The following EIF4G3 variants were observed in gnomAD, a reference collection of about 807,000 sequenced individuals.
EIF4G3 encodes the protein eukaryotic translation initiation factor 4 gamma 3.
EIF4G3 carries 34 observed loss-of-function variants against 186.4 expected under a neutral mutation model. That is an observed-to-expected ratio of 0.18 (90% CI 0.14 to 0.24). The LOEUF (loss-of-function observed/expected upper bound fraction) is 0.24, where lower values mean the gene tolerates loss of function less well. EIF4G3 is among the 10% of genes least tolerant of loss of function. The pLI is 1.00. For synonymous variants in EIF4G3, 673 were observed against 679.5 expected (o/e 0.99, Z 0.15); for missense variants, 1,536 against 1,948.5 (o/e 0.79, Z 3.99).
chr1:20,859,807 G>A (rs1271037370), intron 24 of EIF4G3, among the ~76,000 whole-genome samples: 9 of 152,112 alleles, frequency 5.9e-5, no homozygotes, highest in Admixed American at 5.9e-4. Flanking sequence ...TGGTCAGGCT[G>A]GTCTCAAACT....
chr1:21,082,815 G>C (rs954699819), intron 3 of EIF4G3, among the ~76,000 whole-genome samples: 1 of 151,600 alleles, frequency 6.6e-6, no homozygotes, highest in African/African-American at 2.4e-5. Context: ...GAGACGGGCG[G>C]ATCACGAGGT....
At chr1:21,020,515 T>C (rs1055183977) in intron 4 of EIF4G3, among the ~76,000 whole-genome samples, 6 of 151,824 alleles carry the variant, frequency 4.0e-5, no homozygotes, top group Admixed American at 6.6e-5. Context: ...AATAAATGAA[T>C]AAATAAAGAA....
chr1:21,117,953 A>T (rs948600924), intron 2 of EIF4G3, among the ~76,000 whole-genome samples: 3 of 152,004 alleles, frequency 2.0e-5, no homozygotes. Flanking sequence ...ATTTCAATTT[A>T]CTCTTAAACC....
At chr1:20,887,367 A>C (rs1357630564) in intron 18 of EIF4G3, among the ~76,000 whole-genome samples, 2 of 152,178 alleles carry the variant, frequency 1.3e-5, no homozygotes, top group East Asian at 3.8e-4. Flanking sequence ...TTAACGCTTC[A>C]GAGAAAAAAG....
Position 20,942,310 on chromosome 1 carries a change from G to T in EIF4G3, c.844C>A (p.Pro282Thr). The part of the protein sequence containing the change: ...QKQEEKPKPD[P>T]VLKSPSPVLR... ...ACTGGGGAAGGAGACTTTAACACTG[G>T]ATCTGGTTTTGGCTTCTCCTCTGGG... Residue 282 changes from proline to threonine, a missense_variant, in exon 14 of 37, where the codon CCA becomes ACA. Physicochemically the swap from Pro to Thr is conservative, Grantham distance 38 (BLOSUM62 -1). Around this residue, in one of 11 missense-constraint regions of EIF4G3, gnomAD observed 560 missense variants for 547.8 expected, o/e 1.02. Transcript: ENST00000602326. The T allele has an allele frequency of 6.3e-7, 1 of 1,580,994 alleles. No homozygotes were observed. The highest frequency in any genetic ancestry group is 8.6e-7 in the Non-Finnish European group (1 of 1,167,682).
At chr1:20,885,247 C>T (rs1572195999) in intron 19 of EIF4G3, among the ~76,000 whole-genome samples, 1 of 152,312 alleles carries the variant, frequency 6.6e-6, no homozygotes, top group East Asian at 1.9e-4. Flanking sequence ...ATATCTAAGG[C>T]ACATCTCTGA....
chr1:20,868,477 C>T (rs1036548336), intron 20 of EIF4G3, among the ~76,000 whole-genome samples: 1 of 152,056 alleles, frequency 6.6e-6, no homozygotes, highest in African/African-American at 2.4e-5. Flanking sequence ...GGGCTCCACC[C>T]TCATGACCTC....
chr1:21,057,132 GCCCTATGACCCAGCCATTC>G (rs1356019818), intron 3 of EIF4G3, among the ~76,000 whole-genome samples: 1 of 152,182 alleles, frequency 6.6e-6, no homozygotes, highest in Non-Finnish European at 1.5e-5. Context: ...AAACAGTCAT[GCCCTATGACCCAGCCATTC>G]CACTCCTAGG....
At chr1:20,980,258 A>C (rs536339638) in intron 10 of EIF4G3, 76 bp downstream of exon 10, 56 of 1,066,052 alleles carry the variant, frequency 5.3e-5, no homozygotes, top group Non-Finnish European at 7.2e-5. Flanking sequence ...ACCTCATTGT[A>C]TAAACCAACC....
intron 7 of EIF4G3, among the ~76,000 whole-genome samples, chr1:20,993,492 T>C (rs2081575306): frequency 6.6e-6 from 1 of 152,190 alleles, no homozygotes; most frequent in African/African-American, 2.4e-5. Context: ...ATAATTGTAT[T>C]TTTTCTTTGC....
chr1:20,909,667 T>G (rs2092866706), intron 14 of EIF4G3, among the ~76,000 whole-genome samples: 2 of 152,202 alleles, frequency 1.3e-5, no homozygotes, highest in South Asian at 4.1e-4. Context: ...TGTTTTTGTT[T>G]TTTTCCCCCA....
rs149014279 is a variant in EIF4G3, at chr1:21,043,899, AAG to A, written c.-67+6965_-67+6966del. 4.6e-4 allele frequency among the ~76,000 whole-genome samples: 69 copies of A among 150,742 alleles called. No individual in the cohort carries two copies. In the East Asian group the frequency reaches 7.9e-3, roughly 17 times the overall value. The stretch of plus-strand genomic sequence containing the variant: ...AAAAAAAAAAGGAAGGATGGAAAGA[AAG>A]AGAGAGAGAGAGAGATGAAACACCT... On this transcript the variant is annotated intron_variant, in intron 4 of 36. Transcript: ENST00000602326.
intron 25 of EIF4G3, among the ~76,000 whole-genome samples, chr1:20,855,754 G>T (rs1303282734): frequency 1.3e-5 from 2 of 152,150 alleles, no homozygotes; most frequent in Non-Finnish European, 1.5e-5. Flanking sequence ...ATGTTGCTAT[G>T]CTATGTAATA....
At chr1:21,076,368 T>C (rs747155162) in intron 3 of EIF4G3, among the ~76,000 whole-genome samples, 35 of 152,146 alleles carry the variant, frequency 2.3e-4, no homozygotes, top group Admixed American at 1.4e-3. Flanking sequence ...CGAAAGTTTA[T>C]TGCAATAAAC....
intron 3 of EIF4G3, among the ~76,000 whole-genome samples, chr1:21,063,876 ATTT>A (rs529362148): frequency 5.1e-5 from 7 of 136,400 alleles, no homozygotes; most frequent in Admixed American, 4.4e-4. Flanking sequence ...CACCCAGCTA[ATTT>A]TTTTTTTTTT....
At position 21,138,076 on chromosome 1, in the gene EIF4G3, A is replaced by C. The variant is rs547160644; in HGVS notation, c.-272+38099T>G. 2.6e-5 allele frequency among the ~76,000 whole-genome samples: 4 copies of C among 152,288 alleles called. No homozygotes were observed. The South Asian group carries it at 8.3e-4, about 32-fold the overall frequency. On this transcript the variant is annotated intron_variant, in intron 2 of 36. Transcript: ENST00000602326. ...GTAAAACTGTTCCTCCTCCTTTTGC[A>C]CTGAATTACACTAGAAATAGCCCAG...
chr1:21,156,510 C>G (rs1222998554), intron 2 of EIF4G3, among the ~76,000 whole-genome samples: 1 of 152,188 alleles, frequency 6.6e-6, no homozygotes, highest in Non-Finnish European at 1.5e-5. Context: ...ATATTTCACT[C>G]ATTTCAAATC....
Position 20,916,305 on chromosome 1 carries a change from G to T in EIF4G3, c.1664-11334C>A, listed in dbSNP as rs564388101. Among the ~76,000 whole-genome samples the T allele has an allele frequency of 5.3e-5, 8 of 152,120 alleles. No homozygotes were observed. The South Asian group carries it at 1.7e-3, about 32-fold the overall frequency. On this transcript the variant is annotated intron_variant, in intron 14 of 36. Transcript: ENST00000602326. ...ACTAAAAATACAAAAAATTAGCCCG[G>T]GCGTGGTGGTGGACACCTGTAGTCC...
At chr1:20,809,633 C>T (rs1205006665) in intron 36 of EIF4G3, among the ~76,000 whole-genome samples, 1 of 152,170 alleles carries the variant, frequency 6.6e-6, no homozygotes, top group Non-Finnish European at 1.5e-5. Flanking sequence ...ATGGTAAATA[C>T]ACTACACTTA....
Sources: gnomAD v4.1 joint callset for allele counts (sites outside exome capture counted in the v4.1 genomes callset) on GRCh38, gnomAD v4.1.1 for gene constraint, gnomAD v4.1.1 regional missense constraint, MANE v1.5 for transcripts, NCBI Gene and HGNC (gene_info 2026-07-23, HGNC 2026-07-21) for gene names.